Variants in PTPRK observed in about 807,000 individuals in gnomAD.
The protein encoded by PTPRK is receptor-type tyrosine-protein phosphatase kappa.
A neutral mutation model predicts 178.0 loss-of-function variants in PTPRK; 75 were observed. The ratio of observed to expected loss-of-function variants is 0.42; its 90% CI spans 0.35 to 0.51. The LOEUF (loss-of-function observed/expected upper bound fraction) is 0.51. Among genes scored for constraint, PTPRK ranks in the 20% least tolerant of loss-of-function variants. The probability of loss-of-function intolerance (pLI) is 0.02; values close to 1 mark genes in which losing one functional copy is unlikely to be tolerated. For synonymous variants in PTPRK, 637 were observed against 620.6 expected (o/e 1.03, Z -0.39); for missense variants, 1,441 against 1,797.8 (o/e 0.80, Z 3.59).
At chr6:128,194,949 T>TA (rs1243733843) in intron 6 of PTPRK, among the ~76,000 whole-genome samples, 12 of 151,966 alleles carry the variant, frequency 7.9e-5, no homozygotes, top group Admixed American at 2.6e-4. Flanking sequence ...ATATCAATTT[T>TA]AAAAAAAACC....
chr6:128,357,399 A>T lies in PTPRK; in HGVS notation c.224-35089T>A, dbSNP rs1212338005. On this transcript the variant is annotated intron_variant, in intron 2 of 29. Coordinates refer to ENST00000368226, the MANE Select transcript of PTPRK (RefSeq NM_002844.4). ...AGAGATCACAGACCTCTGATTACCA[A>T]CTGCCTTTTACCAGTTGTATAACAT... is the stretch of plus-strand genomic sequence containing the variant. Among the ~76,000 whole-genome samples, 5 of 152,178 alleles carry T rather than the reference A, an allele frequency of 3.3e-5. No individual in the cohort carries two copies. The East Asian group carries it at 9.6e-4, about 29-fold the overall frequency.
intron 13 of PTPRK, among the ~76,000 whole-genome samples, chr6:128,010,652 A>C (rs1778951133): frequency 6.6e-6 from 1 of 151,368 alleles, no homozygotes; most frequent in South Asian, 2.1e-4. Context: ...TCATTATATA[A>C]AATGGTAATT....
At chr6:128,121,625 A>C (rs560824724) in intron 7 of PTPRK, among the ~76,000 whole-genome samples, 240 of 152,190 alleles carry the variant, frequency 1.6e-3, no homozygotes, top group Admixed American at 4.1e-3. Context: ...ACTATTTTGC[A>C]TATGAAACTA....
intron 7 of PTPRK, among the ~76,000 whole-genome samples, chr6:128,109,357 T>C (rs1446949928): frequency 6.6e-6 from 1 of 152,180 alleles, no homozygotes; most frequent in East Asian, 1.9e-4. Flanking sequence ...AGTTGTCTTA[T>C]CTACCTTATT....
Position 128,183,105 on chromosome 6 carries a change from T to C in PTPRK, c.1162+1327A>G, listed in dbSNP as rs568024806. 5.3e-4 allele frequency among the ~76,000 whole-genome samples: 80 copies of C among 152,282 alleles called. 1 individual carries two copies. The highest frequency in any genetic ancestry group is 9.0e-4 in the Non-Finnish European group (61 of 68,008). On this transcript the variant is annotated intron_variant, in intron 7 of 29. Coordinates refer to ENST00000368226, the MANE Select transcript of PTPRK (RefSeq NM_002844.4). ...AGTATTCTTAGTAAAATGGACTCCA[T>C]AGTTCAATTTTTCACATTAGCATGG...
chr6:128,460,545 A>T (rs1243855249), intron 1 of PTPRK, among the ~76,000 whole-genome samples: 1 of 148,626 alleles, frequency 6.7e-6, no homozygotes, highest in Non-Finnish European at 1.5e-5. Context: ...ACCTGTCTTT[A>T]AAAAAAAAAG....
chr6:128,239,407 G>C (rs1012478320), intron 5 of PTPRK, among the ~76,000 whole-genome samples: 2 of 152,076 alleles, frequency 1.3e-5, no homozygotes, highest in Admixed American at 6.6e-5. Context: ...TGAAGGCAAG[G>C]CATATTTCTT....
chr6:127,980,403 A>T (rs1364804746), intron 25 of PTPRK, among the ~76,000 whole-genome samples: 1 of 151,988 alleles, frequency 6.6e-6, no homozygotes, highest in African/African-American at 2.4e-5. Flanking sequence ...GAGGCAGGAG[A>T]ATTGCTTGAA....
intron 21 of PTPRK, among the ~76,000 whole-genome samples, chr6:127,986,399 C>T (rs1334323501): frequency 6.6e-6 from 1 of 152,164 alleles, no homozygotes; most frequent in African/African-American, 2.4e-5. Flanking sequence ...AATATACAGG[C>T]AGCTAAACTG....
At chr6:128,363,414 A>G (rs1322160012) in intron 2 of PTPRK, among the ~76,000 whole-genome samples, 2 of 152,204 alleles carry the variant, frequency 1.3e-5, no homozygotes, top group East Asian at 3.8e-4. Flanking sequence ...CACATAACAT[A>G]AATAATAAAT....
chr6:128,443,966 C>T (rs1340575762), intron 1 of PTPRK, among the ~76,000 whole-genome samples: 2 of 152,132 alleles, frequency 1.3e-5, no homozygotes, highest in African/African-American at 4.8e-5. Context: ...AATTCTCCTG[C>T]CTCAGACTCA....
chr6:128,323,898 G>A (rs757898498), intron 2 of PTPRK, among the ~76,000 whole-genome samples: 2 of 151,540 alleles, frequency 1.3e-5, no homozygotes, highest in African/African-American at 2.4e-5. Context: ...TAAACTGTCC[G>A]TGTGTATTTT....
intron 1 of PTPRK, among the ~76,000 whole-genome samples, chr6:128,445,323 C>A (rs924251572): frequency 7.7e-6 from 1 of 130,042 alleles, no homozygotes; most frequent in African/African-American, 3.1e-5. Flanking sequence ...AGCATTTATT[C>A]TCATCCTTTC....
At chr6:127,988,343 G>C (rs113644692) in intron 21 of PTPRK, among the ~76,000 whole-genome samples, 5 of 130,022 alleles carry the variant, frequency 3.8e-5, no homozygotes, top group Non-Finnish European at 6.2e-5. Context: ...TCCCTCTGTC[G>C]CCCAGGCTGG....
In PTPRK at chr6:127,981,281, A is replaced by C. The variant is rs1775310395; in HGVS notation, c.3546T>G (p.Asn1182Lys). 6.2e-7 allele frequency: 1 copy of C among 1,613,338 alleles called. No homozygotes were observed. The highest frequency in any genetic ancestry group is 8.5e-7 in the Non-Finnish European group (1 of 1,179,520). Residue 1182 changes from asparagine (N) to lysine (K), a missense_variant, in exon 25 of 30, where the codon AAT (asparagine) becomes AAG (lysine). Physicochemically the swap from Asn to Lys is moderately conservative, Grantham distance 94 (BLOSUM62 0). Coordinates refer to ENST00000368226, the MANE Select transcript of PTPRK (RefSeq NM_002844.4). ...SHLKDEFQTL[N>K]SVTPRLQAED... ...CAGCTTGTAGTCGAGGGGTGACTGA[A>C]TTCAGAGTCTAAAAAGAAAAGAGAA...
intron 1 of PTPRK, among the ~76,000 whole-genome samples, chr6:128,416,074 C>T (rs1272029093): frequency 6.6e-6 from 1 of 151,988 alleles, no homozygotes; most frequent in African/African-American, 2.4e-5. Flanking sequence ...CTGTCCTAAA[C>T]AGGACTACAG....
intron 7 of PTPRK, among the ~76,000 whole-genome samples, chr6:128,164,002 T>C (rs1298233374): frequency 6.6e-6 from 1 of 151,396 alleles, no homozygotes; most frequent in Non-Finnish European, 1.5e-5. Context: ...ATAGTAAGAA[T>C]TCTCATTTTA....
At chr6:128,392,510 C>T (rs1839732845) in intron 2 of PTPRK, among the ~76,000 whole-genome samples, 10 of 152,132 alleles carry the variant, frequency 6.6e-5, no homozygotes, top group Admixed American at 5.9e-4. Flanking sequence ...ATGTCAGTCA[C>T]AATCCCTACT....
intron 13 of PTPRK, among the ~76,000 whole-genome samples, chr6:128,042,520 C>T (rs977094937): frequency 6.6e-6 from 1 of 152,030 alleles, no homozygotes; most frequent in South Asian, 2.1e-4. Flanking sequence ...GCAGGCCATT[C>T]CCACTTTTGC....
Sources: gnomAD v4.1 joint callset for allele counts (sites outside exome capture counted in the v4.1 genomes callset) on GRCh38, gnomAD v4.1.1 for gene constraint, MANE v1.5 for transcripts, NCBI Gene and HGNC (gene_info 2026-07-23, HGNC 2026-07-21) for gene names.